Variants in TSHZ2 observed in about 807,000 individuals in gnomAD.
TSHZ2 encodes teashirt homolog 2.
In TSHZ2, 21 loss-of-function variants were observed where a neutral mutation model predicts 74.4. The observed-to-expected ratio is 0.28, with a 90% CI of 0.20 to 0.41. The LOEUF (loss-of-function observed/expected upper bound fraction) is 0.41. TSHZ2 is among the 10% of genes least tolerant of loss of function. TSHZ2 has a pLI of 1.00. For missense variants in TSHZ2, 1,244 were observed against 1,293.5 expected (o/e 0.96, Z 0.59); for synonymous variants, 540 against 515.3 (o/e 1.05, Z -0.65).
intron 2 of TSHZ2, among the ~76,000 whole-genome samples, chr20:53,311,135 A>C (rs1174760098): frequency 6.6e-6 from 1 of 152,244 alleles, no homozygotes; most frequent in Non-Finnish European, 1.5e-5. Context: ...TGCATCTCAC[A>C]AGGTGTAAAC....
At chr20:53,133,792 A>G (rs1250107287) in intron 1 of TSHZ2, among the ~76,000 whole-genome samples, 1 of 151,736 alleles carries the variant, frequency 6.6e-6, no homozygotes, top group Non-Finnish European at 1.5e-5. Context: ...TGTGTTCTTG[A>G]TTTTTTCTTA....
intron 2 of TSHZ2, among the ~76,000 whole-genome samples, chr20:53,403,522 G>T (rs1982743498): frequency 6.6e-6 from 1 of 152,124 alleles, no homozygotes; most frequent in African/African-American, 2.4e-5. Context: ...AAGAAGTGAG[G>T]AGTAGAGAAC....
intron 1 of TSHZ2, among the ~76,000 whole-genome samples, chr20:53,040,650 G>A (rs936403136): frequency 1.3e-5 from 2 of 150,574 alleles, no homozygotes; most frequent in Admixed American, 6.6e-5. Flanking sequence ...AGCCTTTCAC[G>A]GAAGCCTGGT....
chr20:53,007,417 T>C (rs1414803981), intron 1 of TSHZ2, among the ~76,000 whole-genome samples: 1 of 152,128 alleles, frequency 6.6e-6, no homozygotes, highest in Non-Finnish European at 1.5e-5. Flanking sequence ...AACTGGGCCA[T>C]AAAGAGTTAA....
chr20:53,389,228 C>A (rs573344986), intron 2 of TSHZ2, among the ~76,000 whole-genome samples: 1 of 152,180 alleles, frequency 6.6e-6, no homozygotes, highest in African/African-American at 2.4e-5. Context: ...CATCAGCACT[C>A]GTAAAAATGA....
At chr20:53,413,077 G>A (rs1983110327) in intron 2 of TSHZ2, among the ~76,000 whole-genome samples, 1 of 152,220 alleles carries the variant, frequency 6.6e-6, no homozygotes, top group Admixed American at 6.5e-5. Flanking sequence ...GAGAGCGGAA[G>A]AGGGACAGGG....
intron 1 of TSHZ2, among the ~76,000 whole-genome samples, chr20:53,233,144 T>G (rs957140676): frequency 1.3e-5 from 2 of 152,218 alleles, no homozygotes; most frequent in Admixed American, 6.5e-5. Flanking sequence ...GATTGTAAGA[T>G]TCACCCTAAT....
At chr20:53,228,985 T>A (rs1185128906) in intron 1 of TSHZ2, among the ~76,000 whole-genome samples, 2 of 152,170 alleles carry the variant, frequency 1.3e-5, no homozygotes, top group Non-Finnish European at 2.9e-5. Flanking sequence ...ATTCTTCAGA[T>A]CAGTTTTCTA....
intron 1 of TSHZ2, among the ~76,000 whole-genome samples, chr20:53,132,618 T>C (rs932497176): frequency 2.6e-5 from 4 of 152,092 alleles, no homozygotes; most frequent in African/African-American, 9.7e-5. Flanking sequence ...AAAACGCTAA[T>C]CTTAGAAAAC....
intron 1 of TSHZ2, among the ~76,000 whole-genome samples, chr20:53,219,938 G>T (rs1175165394): frequency 2.0e-5 from 3 of 152,144 alleles, no homozygotes; most frequent in Non-Finnish European, 4.4e-5. Context: ...CCTCGATTTT[G>T]CAAAAGGAAA....
chr20:53,334,369 C>T (rs1979853943), intron 2 of TSHZ2, among the ~76,000 whole-genome samples: 1 of 152,068 alleles, frequency 6.6e-6, no homozygotes, highest in East Asian at 1.9e-4. Flanking sequence ...GTGAAAGCCA[C>T]ACAGACATTG....
At chr20:53,174,576 G>T (rs1393920882) in intron 1 of TSHZ2, among the ~76,000 whole-genome samples, 2 of 152,214 alleles carry the variant, frequency 1.3e-5, no homozygotes, top group Non-Finnish European at 2.9e-5. Flanking sequence ...TGCAGAGCAA[G>T]AATGATAATA....
intron 2 of TSHZ2, among the ~76,000 whole-genome samples, chr20:53,341,104 A>G (rs1467199966): frequency 6.6e-6 from 1 of 152,184 alleles, no homozygotes; most frequent in African/African-American, 2.4e-5. Context: ...GCCAGCATAG[A>G]GGACAGTCCC....
chr20:53,262,702 A>G (rs1226070190), intron 2 of TSHZ2, among the ~76,000 whole-genome samples: 2 of 152,222 alleles, frequency 1.3e-5, no homozygotes, highest in Middle Eastern at 3.2e-3. Flanking sequence ...TATGTAGGCC[A>G]GGGAGATAAG....
At chr20:53,008,980 CCTCTCTCTCTCTCTCTCT>C (rs55692015) in intron 1 of TSHZ2, among the ~76,000 whole-genome samples, 38,002 of 130,488 alleles carry the variant, frequency 0.29, 6,162 homozygotes, top group Non-Finnish European at 0.38. Flanking sequence ...TTGTCTTTCT[CCTCTCTCTCTCTCTCTCT>C]CTCTCTCTCT....
At chr20:53,158,042 G>A (rs558393823) in intron 1 of TSHZ2, among the ~76,000 whole-genome samples, 1 of 152,266 alleles carries the variant, frequency 6.6e-6, no homozygotes, top group Non-Finnish European at 1.5e-5. Flanking sequence ...AGTCAAGGAA[G>A]ATCTCATTTG....
chr20:53,011,424 A>G (rs934580302), intron 1 of TSHZ2, among the ~76,000 whole-genome samples: 1 of 152,236 alleles, frequency 6.6e-6, no homozygotes, highest in African/African-American at 2.4e-5. Flanking sequence ...TTTAAATATA[A>G]CAGGACCAAC....
At chr20:53,036,705 A>G (rs933496449) in intron 1 of TSHZ2, among the ~76,000 whole-genome samples, 2 of 147,840 alleles carry the variant, frequency 1.4e-5, no homozygotes, top group African/African-American at 4.9e-5. Flanking sequence ...TACTATGTAT[A>G]TGTATGTATA....
intron 1 of TSHZ2, among the ~76,000 whole-genome samples, chr20:53,003,988 G>A (rs147397310): frequency 9.2e-5 from 14 of 151,894 alleles, no homozygotes; most frequent in Non-Finnish European, 2.1e-4. Context: ...AGTGTCTGTG[G>A]AAAGTTCAGG....
Sources: gnomAD v4.1 joint callset for allele counts (sites outside exome capture counted in the v4.1 genomes callset) on GRCh38, gnomAD v4.1.1 for gene constraint, MANE v1.5 for transcripts, NCBI Gene and HGNC (gene_info 2026-07-23, HGNC 2026-07-21) for gene names.